The following LARGE1 variants were observed in gnomAD, a reference collection of about 807,000 sequenced individuals.
LARGE1 encodes the protein LARGE xylosyl- and glucuronyltransferase 1, also known as xylosyl- and glucuronyltransferase LARGE1.
In LARGE1, 43 loss-of-function variants were observed where a neutral mutation model predicts 87.6. The observed-to-expected ratio is 0.49, with a 90% CI of 0.38 to 0.63. The LOEUF (loss-of-function observed/expected upper bound fraction) is 0.63, where lower values mean the gene tolerates loss of function less well. Among genes scored for constraint, LARGE1 ranks in the 30% least tolerant of loss-of-function variants. LARGE1 has a pLI of 0.00. For synonymous variants in LARGE1, 434 were observed against 394.6 expected (o/e 1.10, Z -1.18); for missense variants, 802 against 1,000.2 (o/e 0.80, Z 2.67).
chr22:33,315,091 C>T (rs4820099), intron 11 of LARGE1, among the ~76,000 whole-genome samples: 1 of 152,248 alleles, frequency 6.6e-6, no homozygotes, highest in Admixed American at 6.5e-5. Flanking sequence ...TGCCTGCAGT[C>T]CCAGCTACTC....
chr22:33,860,657 T>C (rs1052395948), intron 1 of LARGE1, among the ~76,000 whole-genome samples: 1 of 152,148 alleles, frequency 6.6e-6, no homozygotes, highest in Non-Finnish European at 1.5e-5. Flanking sequence ...GGGGCTCTTC[T>C]GAGGATGGGC....
chr22:33,903,477 A>T (rs1220654217), intron 1 of LARGE1, among the ~76,000 whole-genome samples: 5 of 144,464 alleles, frequency 3.5e-5, no homozygotes, highest in African/African-American at 5.3e-5. Context: ...CATAACAGTT[A>T]AAAAAAAAAA....
chr22:33,530,399 G>A lies in LARGE1; in HGVS notation c.787+34449C>T, dbSNP rs1210366969. On this transcript the variant is annotated intron_variant, in intron 6 of 14. Transcript: ENST00000397394. ...AACATCTGGCCCAGAATTTGGAAAC[G>A]TTAAGAAAACTCACTGAAAGCTAGC... Among the ~76,000 whole-genome samples the A allele has an allele frequency of 3.3e-5, 5 of 150,030 alleles. No homozygotes were observed. The South Asian group carries it at 6.4e-4, about 19-fold the overall frequency.
chr22:33,067,969 G>C, the LARGE1 span, among the ~76,000 whole-genome samples: 1 of 151,096 alleles, frequency 6.6e-6, no homozygotes, highest in Non-Finnish European at 1.5e-5. Context: ...GACAATGCGA[G>C]ACTGTCTCAA....
chr22:33,527,835 A>T (rs1363710452), intron 6 of LARGE1, among the ~76,000 whole-genome samples: 1 of 152,038 alleles, frequency 6.6e-6, no homozygotes, highest in African/African-American at 2.4e-5. Context: ...CAAATGACAA[A>T]CCACATCTGC....
intron 6 of LARGE1, among the ~76,000 whole-genome samples, chr22:33,470,867 C>T (rs552213776): frequency 2.6e-5 from 4 of 152,252 alleles, no homozygotes; most frequent in East Asian, 3.9e-4. Flanking sequence ...TATTTTACAG[C>T]GTGGGACCTT....
intron 2 of LARGE1, among the ~76,000 whole-genome samples, chr22:33,756,105 A>C (rs113503585): frequency 5.3e-5 from 8 of 152,286 alleles, no homozygotes; most frequent in South Asian, 2.1e-4. Context: ...TTATACCCTG[A>C]AGACAGACAG....
chr22:33,837,257 TAC>T (rs3072340), intron 1 of LARGE1, among the ~76,000 whole-genome samples: 83,816 of 149,528 alleles, frequency 0.56, 24,817 homozygotes, highest in East Asian at 0.71. Flanking sequence ...GTATTACATA[TAC>T]ACACACACAC....
chr22:33,841,927 T>A (rs1406655337), intron 1 of LARGE1, among the ~76,000 whole-genome samples: 1 of 152,204 alleles, frequency 6.6e-6, no homozygotes, highest in Non-Finnish European at 1.5e-5. Flanking sequence ...CAAATTATTT[T>A]AAAGCACACG....
chr22:33,371,984 A>C (rs1258471655), intron 9 of LARGE1, among the ~76,000 whole-genome samples: 3 of 130,930 alleles, frequency 2.3e-5, no homozygotes, highest in Non-Finnish European at 5.0e-5. Context: ...ACTCCATCTC[A>C]AAAAAAAAAA....
chr22:33,557,624 G>C (rs1162454136), intron 6 of LARGE1, among the ~76,000 whole-genome samples: 1 of 152,116 alleles, frequency 6.6e-6, no homozygotes, highest in Admixed American at 6.5e-5. Flanking sequence ...GGAGTGCAGT[G>C]GTGCAATCTT....
chr22:33,451,086 C>T (rs1230721210), intron 6 of LARGE1, among the ~76,000 whole-genome samples: 1 of 152,198 alleles, frequency 6.6e-6, no homozygotes, highest in Non-Finnish European at 1.5e-5. Context: ...AAGCCAAGGA[C>T]AACACAGCTA....
chr22:33,614,939 C>T (rs528275084), intron 4 of LARGE1, among the ~76,000 whole-genome samples: 1 of 152,170 alleles, frequency 6.6e-6, no homozygotes, highest in Non-Finnish European at 1.5e-5. Flanking sequence ...CAGGCTTGTG[C>T]CCATGCTGTC....
intron 11 of LARGE1, among the ~76,000 whole-genome samples, chr22:33,310,966 T>TC (rs1935517819): frequency 6.6e-6 from 1 of 151,366 alleles, no homozygotes; most frequent in Admixed American, 6.6e-5. Flanking sequence ...GCCCGGACTT[T>TC]TTTTTTTTTT....
chr22:33,318,572 G>A (rs1284639128), intron 10 of LARGE1, among the ~76,000 whole-genome samples: 1 of 151,848 alleles, frequency 6.6e-6, no homozygotes, highest in Non-Finnish European at 1.5e-5. Context: ...ACAGGAAGGG[G>A]AACATCACAC....
At chr22:33,366,128 A>T (rs891523851) in intron 9 of LARGE1, among the ~76,000 whole-genome samples, 1 of 152,214 alleles carries the variant, frequency 6.6e-6, no homozygotes, top group African/African-American at 2.4e-5. Context: ...TCTGGAATTA[A>T]TTTTATGCAT....
chr22:33,850,957 C>T (rs185172938), intron 1 of LARGE1, among the ~76,000 whole-genome samples: 1 of 152,294 alleles, frequency 6.6e-6, no homozygotes, highest in Admixed American at 6.5e-5. Context: ...ATGATAATGA[C>T]AAGGTTCCTA....
intron 6 of LARGE1, among the ~76,000 whole-genome samples, chr22:33,457,114 G>C (rs1399437302): frequency 6.6e-6 from 1 of 151,936 alleles, no homozygotes; most frequent in Non-Finnish European, 1.5e-5. Context: ...CAACTTTTCT[G>C]AACATAATTT....
intron 9 of LARGE1, among the ~76,000 whole-genome samples, chr22:33,351,291 C>A (rs1940348480): frequency 6.6e-6 from 1 of 152,210 alleles, no homozygotes; most frequent in South Asian, 2.1e-4. Context: ...GAGGCTAAGT[C>A]ATGTGAGCAC....
Sources: allele counts gnomAD v4.1 joint callset (sites outside exome capture counted in the v4.1 genomes callset), GRCh38; gene constraint gnomAD v4.1.1; transcripts MANE v1.5; gene names NCBI Gene and HGNC (gene_info 2026-07-23, HGNC 2026-07-21).